VWA2: variants seen among roughly 807,000 people sequenced by gnomAD.
The protein encoded by VWA2 is von Willebrand factor A domain containing 2.
In VWA2, 73 loss-of-function variants were observed where a neutral mutation model predicts 70.4. The ratio of observed to expected loss-of-function variants is 1.04; its 90% CI spans 0.86 to 1.26. VWA2 has a LOEUF of 1.26. Ranked by LOEUF, VWA2 falls within the 50% of genes most tolerant of loss-of-function variation. The pLI is 0.00. For missense variants in VWA2, 1,011 were observed against 998.5 expected, an observed-to-expected ratio of 1.01 and a Z score of -0.17; for synonymous variants, 407 against 423.3, an observed-to-expected ratio of 0.96 and a Z score of 0.47.
chr10:114,288,128 C>T (rs1240659449), intron 11 of VWA2, among the ~76,000 whole-genome samples: 1 of 152,170 alleles, frequency 6.6e-6, no homozygotes. Context: ...TGGCCTGGTC[C>T]CCACAGGCCT....
chr10:114,249,908 G>A lies in VWA2; in HGVS notation c.52+1143G>A, dbSNP rs556525072. Among the ~76,000 whole-genome samples the A allele has an allele frequency of 3.3e-5, 5 of 151,948 alleles. No homozygotes were observed. The South Asian group carries it at 6.2e-4, about 19-fold the overall frequency. ...CGTGGCCATCCTGAGTCCCCTCTAC[G>A]CCCTCTGCACCACAGCCCACTCTCC... On this transcript the variant is annotated intron_variant, in intron 2 of 13. Coordinates refer to ENST00000392982, the MANE Select transcript of VWA2 (RefSeq NM_001272046.2).
At chr10:114,280,267 A>G (rs768531300) in intron 8 of VWA2, among the ~76,000 whole-genome samples, 24 of 152,266 alleles carry the variant, frequency 1.6e-4, no homozygotes, top group Non-Finnish European at 3.1e-4. Flanking sequence ...CCTGGCACTC[A>G]CCCAGGTCCT....
At chr10:114,266,656 G>A (rs1245685427) in intron 5 of VWA2, among the ~76,000 whole-genome samples, 3 of 152,184 alleles carry the variant, frequency 2.0e-5, no homozygotes, top group Non-Finnish European at 4.4e-5. Flanking sequence ...AGACCTGGCT[G>A]GTGATTGGTT....
chr10:114,264,144 C>G (rs1224012395), intron 5 of VWA2, among the ~76,000 whole-genome samples: 1 of 152,210 alleles, frequency 6.6e-6, no homozygotes, highest in Non-Finnish European at 1.5e-5. Flanking sequence ...CCCAGCAATT[C>G]CACTTCAGGA....
intron 1 of VWA2, among the ~76,000 whole-genome samples, chr10:114,241,352 ATCT>A (rs1262195301): frequency 1.3e-5 from 2 of 152,192 alleles, no homozygotes; most frequent in Non-Finnish European, 2.9e-5. Flanking sequence ...TACCGTAAAA[ATCT>A]TCTGTGCATC....
intron 4 of VWA2, among the ~76,000 whole-genome samples, chr10:114,257,096 T>G (rs554871128): frequency 2.0e-5 from 3 of 152,166 alleles, no homozygotes; most frequent in Admixed American, 2.0e-4. Context: ...AGGGCCAGAT[T>G]TTCTGCAGAA....
At chr10:114,242,653 A>C (rs2036995059) in intron 1 of VWA2, among the ~76,000 whole-genome samples, 1 of 143,196 alleles carries the variant, frequency 7.0e-6, no homozygotes, top group Admixed American at 7.3e-5. Flanking sequence ...ACTTCTGGTC[A>C]TAGCTGAGAA....
intron 1 of VWA2, 60 bp downstream of exon 1, chr10:114,239,629 T>A (rs1020196588): frequency 3.9e-5 from 6 of 152,300 alleles, no homozygotes; most frequent in African/African-American, 1.4e-4. Flanking sequence ...CGGCTGCCGA[T>A]GACCGATTCA....
chr10:114,266,669 T>C (rs2037574175), intron 5 of VWA2, among the ~76,000 whole-genome samples: 1 of 152,228 alleles, frequency 6.6e-6, no homozygotes, highest in African/African-American at 2.4e-5. Flanking sequence ...GATTGGTTCC[T>C]GAATGCACAG....
At chr10:114,243,379 A>G (rs1434658727) in intron 1 of VWA2, among the ~76,000 whole-genome samples, 8 of 152,236 alleles carry the variant, frequency 5.3e-5, no homozygotes, top group Non-Finnish European at 1.0e-4. Flanking sequence ...TCTCTCTGCC[A>G]TATCAAACTA....
At chr10:114,248,409 G>GGGAGAGCA (rs2037120574) in intron 1 of VWA2, among the ~76,000 whole-genome samples, 1 of 152,164 alleles carries the variant, frequency 6.6e-6, no homozygotes, top group South Asian at 2.1e-4. Context: ...CTTAACTCTG[G>GGGAGAGCA]GGAGAGCAGG....
intron 4 of VWA2, among the ~76,000 whole-genome samples, chr10:114,255,564 C>A (rs577717473): frequency 1.3e-5 from 2 of 152,280 alleles, no homozygotes; most frequent in Admixed American, 1.3e-4. Context: ...GTTTGCAGAA[C>A]AATGGGAAAG....
chr10:114,284,879 G>C lies in VWA2; in HGVS notation c.906G>C (p.Gln302His). 6.2e-7 allele frequency: 1 copy of C among 1,609,356 alleles called. No individual in the cohort carries two copies. The highest frequency in any genetic ancestry group is 8.5e-7 in the Non-Finnish European group (1 of 1,178,310). The change falls in exon 10 of 14, where the codon CAG becomes CAC. Residue 302 changes from glutamine (Q) to histidine (H), a missense_variant. Coordinates refer to ENST00000392982, the MANE Select transcript of VWA2 (RefSeq NM_001272046.2). ...CTCTGATAGGCCCCTGTGACTCGCA[G>C]CCCTGCCAGAATGGAGGCACATGTG... ...RTTCPGPCDS[Q>H]PCQNGGTCVP...
chr10:114,278,571 T>G (rs563647082), intron 7 of VWA2, 148 bp from the exon 8 acceptor site: 1 of 1,132,972 alleles, frequency 8.8e-7, no homozygotes, highest in African/African-American at 1.5e-5. Context: ...CCCAGAGATA[T>G]GCCCTGACCT....
chr10:114,243,738 T>G (rs1387295606), intron 1 of VWA2, among the ~76,000 whole-genome samples: 3 of 152,242 alleles, frequency 2.0e-5, no homozygotes, highest in Admixed American at 2.0e-4. Flanking sequence ...GGCTCTTCTT[T>G]TTTTAAAAAG....
At position 114,293,890 on chromosome 10, in the gene VWA2, G is replaced by T. The variant is rs1391548845; in HGVS notation, c.*2653G>T. On this transcript the variant is annotated 3_prime_UTR_variant, in exon 14 of 14. Coordinates refer to ENST00000392982, the MANE Select transcript of VWA2 (RefSeq NM_001272046.2). The stretch of plus-strand genomic sequence containing the variant: ...GACCTCCAGAATAATGTTTCATGAA[G>T]TAGCATGTATCCATATCTGGTTCTT... Among the ~76,000 whole-genome samples, 1 of 152,136 alleles carries T rather than the reference G, an allele frequency of 6.6e-6. No homozygotes were observed. Among genetic ancestry groups the T allele is most frequent in the Non-Finnish European group, 1.5e-5 (1 of 68,020 alleles).
At chr10:114,280,733 A>G (rs2038044880) in intron 8 of VWA2, 1 of 152,072 alleles carries the variant, frequency 6.6e-6, no homozygotes, top group Non-Finnish European at 1.5e-5. Context: ...AGTTTGGCAA[A>G]CTTTGTTTTT....
chr10:114,270,216 C>T (rs1175922968), intron 5 of VWA2, among the ~76,000 whole-genome samples: 1 of 152,162 alleles, frequency 6.6e-6, no homozygotes, highest in Non-Finnish European at 1.5e-5. Flanking sequence ...AGTCAGGTGC[C>T]TTCACAACTA....
intron 6 of VWA2, among the ~76,000 whole-genome samples, chr10:114,273,182 T>G (rs1350948734): frequency 6.6e-6 from 1 of 152,212 alleles, no homozygotes; most frequent in African/African-American, 2.4e-5. Context: ...TGAAATTTAT[T>G]TGGGCAAAAA....
Sources: allele counts gnomAD v4.1 joint callset (sites outside exome capture counted in the v4.1 genomes callset), GRCh38; gene constraint gnomAD v4.1.1; transcripts MANE v1.5; gene names NCBI Gene and HGNC (gene_info 2026-07-23, HGNC 2026-07-21).